The following BNC2 variants were observed in gnomAD, a reference collection of about 807,000 sequenced individuals.
The protein encoded by BNC2 is basonuclin zinc finger protein 2.
Under a neutral mutation model 76.3 loss-of-function variants are expected in BNC2, and 20 were observed. That is an observed-to-expected ratio of 0.26 (90% CI 0.18 to 0.38). The LOEUF is 0.38. Ranked by LOEUF, BNC2 falls within the 10% of genes least tolerant of loss-of-function variation. The probability of loss-of-function intolerance (pLI) is 1.00; values close to 1 mark genes in which losing one functional copy is unlikely to be tolerated. For synonymous variants in BNC2, 582 were observed against 514.8 expected, an observed-to-expected ratio of 1.13 and a Z score of -1.77; for missense variants, 1,382 against 1,399.8, an observed-to-expected ratio of 0.99 and a Z score of 0.20.
intron 1 of BNC2, among the ~76,000 whole-genome samples, chr9:16,830,307 T>A (rs1444935586): frequency 2.0e-5 from 3 of 152,186 alleles, no homozygotes; most frequent in Admixed American, 2.0e-4. Context: ...ATCAGGGTGG[T>A]ACGGAATGGT....
At chr9:16,528,823 T>C (rs1232101547) in intron 5 of BNC2, among the ~76,000 whole-genome samples, 1 of 112,824 alleles carries the variant, frequency 8.9e-6, no homozygotes, top group Non-Finnish European at 2.2e-5. Context: ...GGATGAGATC[T>C]CTCTATACTA....
intron 5 of BNC2, among the ~76,000 whole-genome samples, chr9:16,528,720 A>G (rs1817886573): frequency 1.3e-5 from 2 of 152,218 alleles, no homozygotes; most frequent in African/African-American, 4.8e-5. Context: ...GAAAAGCCCA[A>G]ACACTGAAAA....
At chr9:16,590,961 G>C (rs920422847) in intron 3 of BNC2, among the ~76,000 whole-genome samples, 2 of 152,170 alleles carry the variant, frequency 1.3e-5, no homozygotes, top group African/African-American at 4.8e-5. Context: ...GATGCAGAGA[G>C]TGATCTTATA....
chr9:16,629,720 T>A (rs2133713092), intron 3 of BNC2, among the ~76,000 whole-genome samples: 1 of 152,308 alleles, frequency 6.6e-6, no homozygotes, highest in South Asian at 2.1e-4. Flanking sequence ...TGTAGTCTAT[T>A]AAGTGTGCAA....
intron 5 of BNC2, among the ~76,000 whole-genome samples, chr9:16,481,503 C>T (rs577672031): frequency 1.6e-3 from 247 of 152,170 alleles, no homozygotes; most frequent in Non-Finnish European, 2.5e-3. Flanking sequence ...CAAACACATC[C>T]GAACATCAGA....
At chr9:16,445,089 A>C (rs922687331) in intron 5 of BNC2, among the ~76,000 whole-genome samples, 5 of 152,214 alleles carry the variant, frequency 3.3e-5, no homozygotes, top group Admixed American at 3.3e-4. Flanking sequence ...TGGCCACACA[A>C]AAAAAATTCT....
At position 16,436,535 on chromosome 9, in the gene BNC2, A is replaced by C; in HGVS notation, c.1659T>G (p.Pro553=). 6.2e-7 allele frequency: 1 copy of C among 1,614,104 alleles called. No individual in the cohort carries two copies. The highest frequency in any genetic ancestry group is 2.2e-5 in the East Asian group (1 of 44,864). ...CAGAAAATACTAGCTGGCTAGGGAG[A>C]GGATTTTGCAAGACAGGGTCTAGAG... ...TPPLDPVLQN[P]LPSQLVFSGL... The change falls in exon 6 of 7, where the codon CCT becomes CCG. Residue 553 remains proline (P), a synonymous_variant. Coordinates refer to ENST00000380672, the MANE Select transcript of BNC2 (RefSeq NM_017637.6).
chr9:16,864,829 A>G (rs1819501637), intron 1 of BNC2, among the ~76,000 whole-genome samples: 1 of 152,054 alleles, frequency 6.6e-6, no homozygotes. Flanking sequence ...CAGACAGTGA[A>G]GCTGCACAGA....
chr9:16,714,044 G>T (rs1237625042), intron 3 of BNC2, among the ~76,000 whole-genome samples: 1 of 152,202 alleles, frequency 6.6e-6, no homozygotes, highest in East Asian at 1.9e-4. Context: ...TCTCACCACT[G>T]TGCTCCAGCC....
intron 6 of BNC2, among the ~76,000 whole-genome samples, 192 bp from the exon 7 acceptor site, chr9:16,419,841 G>A (rs1820674981): frequency 1.3e-5 from 2 of 152,162 alleles, no homozygotes; most frequent in Admixed American, 6.5e-5. Flanking sequence ...GTGGTGAGAG[G>A]TGCAATCAGG....
intron 3 of BNC2, among the ~76,000 whole-genome samples, chr9:16,592,575 G>A (rs1819959814): frequency 6.6e-6 from 1 of 152,036 alleles, no homozygotes. Context: ...TTCTTTTTGA[G>A]GTGATAAAAA....
intron 1 of BNC2, among the ~76,000 whole-genome samples, chr9:16,814,900 A>C (rs557032232): frequency 6.6e-6 from 1 of 152,282 alleles, no homozygotes; most frequent in South Asian, 2.1e-4. Flanking sequence ...AAGAGAGATA[A>C]TGTTATTCAC....
At chr9:16,680,066 G>C (rs1383803760) in intron 3 of BNC2, among the ~76,000 whole-genome samples, 3 of 152,256 alleles carry the variant, frequency 2.0e-5, no homozygotes, top group African/African-American at 7.2e-5. Flanking sequence ...TAAACAGTTT[G>C]AAATCACTGT....
At chr9:16,869,951 G>A (rs1198488005) in intron 1 of BNC2, among the ~76,000 whole-genome samples, 1 of 152,146 alleles carries the variant, frequency 6.6e-6, no homozygotes, top group Non-Finnish European at 1.5e-5. Context: ...CAACGTGCAA[G>A]TAAAACAAAT....
intron 3 of BNC2, among the ~76,000 whole-genome samples, chr9:16,594,151 T>C (rs1406174135): frequency 6.6e-6 from 1 of 152,250 alleles, no homozygotes; most frequent in East Asian, 1.9e-4. Context: ...ACAAAGAAAC[T>C]ATTCCTCATT....
intron 1 of BNC2, among the ~76,000 whole-genome samples, chr9:16,777,187 T>C (rs967536450): frequency 1.3e-5 from 2 of 151,772 alleles, no homozygotes; most frequent in East Asian, 1.9e-4. Flanking sequence ...AAATAAACGA[T>C]AGGACAGTGG....
chr9:16,586,697 GCTTCAAATAT>G (rs764137164), intron 3 of BNC2, among the ~76,000 whole-genome samples: 22 of 152,250 alleles, frequency 1.4e-4, no homozygotes, highest in Non-Finnish European at 2.6e-4. Flanking sequence ...CCCTCCTACA[GCTTCAAATAT>G]CACCACTAAG....
At chr9:16,501,780 T>C (rs1822524174) in intron 5 of BNC2, among the ~76,000 whole-genome samples, 1 of 152,252 alleles carries the variant, frequency 6.6e-6, no homozygotes, top group Non-Finnish European at 1.5e-5. Flanking sequence ...AAAAAGCGAA[T>C]GTAACCAACA....
At chr9:16,838,125 G>C (rs991951518) in intron 1 of BNC2, among the ~76,000 whole-genome samples, 2 of 152,116 alleles carry the variant, frequency 1.3e-5, no homozygotes, top group East Asian at 3.8e-4. Flanking sequence ...ACTTAAATAA[G>C]GCATACATAA....
Sources: gnomAD v4.1 joint callset for allele counts (sites outside exome capture counted in the v4.1 genomes callset) on GRCh38, gnomAD v4.1.1 for gene constraint, MANE v1.5 for transcripts, NCBI Gene and HGNC (gene_info 2026-07-23, HGNC 2026-07-21) for gene names.